INSYN2B: variants seen among roughly 807,000 people sequenced by gnomAD.
The protein encoded by INSYN2B is protein INSYN2B.
INSYN2B carries 16 observed loss-of-function variants against 41.2 expected under a neutral mutation model. That is an observed-to-expected ratio of 0.39 (90% CI 0.26 to 0.59). The LOEUF (loss-of-function observed/expected upper bound fraction) is 0.59. INSYN2B is among the 20% of genes least tolerant of loss of function. INSYN2B has a pLI of 0.57. For missense variants in INSYN2B, 608 were observed against 646.4 expected (o/e 0.94, Z 0.64); for synonymous variants, 245 against 244.4 (o/e 1.00, Z -0.02).
At chr5:169,914,555 G>A (rs1193007289) in intron 1 of INSYN2B, among the ~76,000 whole-genome samples, 3 of 152,216 alleles carry the variant, frequency 2.0e-5, no homozygotes, top group Non-Finnish European at 4.4e-5. Flanking sequence ...GCAGATATGG[G>A]AAATGGTTAT....
At chr5:169,900,985 G>T (rs374004252) in intron 1 of INSYN2B, among the ~76,000 whole-genome samples, 1 of 152,090 alleles carries the variant, frequency 6.6e-6, no homozygotes, top group African/African-American at 2.4e-5. Context: ...CTTAGTTACG[G>T]GTAGGAAAGG....
In INSYN2B at chr5:169,921,156, G is replaced by C. The variant is rs1057249886; in HGVS notation, c.-918-36340C>G. ...GTAGGAATGAATGCAATGTTAGCCTGGAAAAGTGTCTGGATGGATAGGGAA... is the reference window on the plus strand; with the variant it reads ...GTAGGAATGAATGCAATGTTAGCCTCGAAAAGTGTCTGGATGGATAGGGAA... On this transcript the variant is annotated intron_variant, in intron 1 of 3. Transcript: ENST00000377365. 5.9e-5 allele frequency among the ~76,000 whole-genome samples: 9 copies of C among 152,300 alleles called. No individual in the cohort carries two copies. The East Asian group carries it at 1.7e-3, about 29-fold the overall frequency.
intron 1 of INSYN2B, among the ~76,000 whole-genome samples, chr5:169,937,141 A>G (rs961206728): frequency 7.9e-5 from 12 of 152,242 alleles, no homozygotes; most frequent in Admixed American, 3.3e-4. Context: ...TTACTGCGGC[A>G]CAGATATGCT....
rs75036400 is a variant in INSYN2B, at chr5:169,940,146, A to G, written c.-919+40131T>C. Among the ~76,000 whole-genome samples the G allele has an allele frequency of 0.011, 1,731 of 152,194 alleles. 73 individuals carry two copies. The East Asian group carries it at 0.13, about 12-fold the overall frequency. On this transcript the variant is annotated intron_variant, in intron 1 of 3. Coordinates refer to ENST00000377365, the MANE Select transcript of INSYN2B (RefSeq NM_001129891.3). The stretch of plus-strand genomic sequence containing the variant: ...CTATTGAAGTAGCGCCTTCTTCCAC[A>G]GTTTTCTGTGTGTGTATTCTACAGA...
chr5:169,965,658 T>C (rs2113754420), intron 1 of INSYN2B, among the ~76,000 whole-genome samples: 1 of 152,286 alleles, frequency 6.6e-6, no homozygotes, highest in East Asian at 1.9e-4. Flanking sequence ...AACCATGGCC[T>C]CAGAGTCCAA....
intron 3 of INSYN2B, among the ~76,000 whole-genome samples, chr5:169,874,669 T>C (rs1358226981): frequency 6.6e-6 from 1 of 152,138 alleles, no homozygotes; most frequent in Non-Finnish European, 1.5e-5. Flanking sequence ...GTTTGGTCCC[T>C]TGGCCAGGGA....
intron 1 of INSYN2B, among the ~76,000 whole-genome samples, chr5:169,900,649 C>T (rs866851233): frequency 1.3e-5 from 2 of 152,114 alleles, no homozygotes; most frequent in Non-Finnish European, 1.5e-5. Flanking sequence ...TTAGAAGCTT[C>T]GATTAGCAGT....
At chr5:169,933,146 A>G (rs1315039729) in intron 1 of INSYN2B, among the ~76,000 whole-genome samples, 1 of 152,250 alleles carries the variant, frequency 6.6e-6, no homozygotes, top group Non-Finnish European at 1.5e-5. Flanking sequence ...AGAAGGGTGT[A>G]GAAACTAAAT....
intron 1 of INSYN2B, among the ~76,000 whole-genome samples, chr5:169,891,138 T>TGCTA (rs1773256498): frequency 1.3e-5 from 2 of 152,150 alleles, no homozygotes; most frequent in Non-Finnish European, 2.9e-5. Flanking sequence ...GCCCTGAACA[T>TGCTA]GCTAGATTCA....
Position 169,864,077 on chromosome 5 carries a change from C to T in INSYN2B, c.*196G>A, listed in dbSNP as rs999195910. Among the ~76,000 whole-genome samples the T allele has an allele frequency of 6.6e-6, 1 of 152,170 alleles. No individual in the cohort carries two copies. Among genetic ancestry groups the T allele is most frequent in the Non-Finnish European group, 1.5e-5 (1 of 68,038 alleles). On this transcript the variant is annotated 3_prime_UTR_variant, in exon 4 of 4. Transcript: ENST00000377365. ...GTCCGTGAAGCCCTCAGCAAGCAGT[C>T]GCACGCACTCAGGTAAGGATCGTGG... is the stretch of plus-strand genomic sequence containing the variant.
At chr5:169,955,244 C>T (rs1298195468) in intron 1 of INSYN2B, among the ~76,000 whole-genome samples, 2 of 152,086 alleles carry the variant, frequency 1.3e-5, no homozygotes, top group South Asian at 2.1e-4. Flanking sequence ...TGCCCCTGCC[C>T]GGGACCACAC....
rs540053713 is a variant in INSYN2B at position 169,911,130 on chromosome 5, T to TTTTTA, written c.-918-26319_-918-26315dup. 4.6e-5 allele frequency among the ~76,000 whole-genome samples: 7 copies of TTTTTA among 152,304 alleles called. No homozygotes were observed. The South Asian group carries it at 1.5e-3, about 32-fold the overall frequency. ...TTCTAGGTTTATTTCTTCATTAATG[T>TTTTTA]TTTTATTTTATTTTATTATTTTTCA... is the stretch of plus-strand genomic sequence containing the variant. On this transcript the variant is annotated intron_variant, in intron 1 of 3. Transcript: ENST00000377365.
intron 1 of INSYN2B, among the ~76,000 whole-genome samples, chr5:169,972,842 C>T (rs1032013859): frequency 6.6e-6 from 1 of 152,252 alleles, no homozygotes; most frequent in East Asian, 1.9e-4. Flanking sequence ...GTCCTTGCTG[C>T]AGTTAAGCAC....
intron 3 of INSYN2B, among the ~76,000 whole-genome samples, chr5:169,871,371 A>G (rs1252481229): frequency 6.6e-6 from 1 of 152,244 alleles, no homozygotes; most frequent in East Asian, 1.9e-4. Flanking sequence ...ATGGTAATTT[A>G]AATGGGCAAA....
At chr5:169,975,091 A>G (rs937781123) in intron 1 of INSYN2B, among the ~76,000 whole-genome samples, 4 of 152,190 alleles carry the variant, frequency 2.6e-5, no homozygotes, top group African/African-American at 9.7e-5. Flanking sequence ...ATGTAAAACT[A>G]AAGTCCATGC....
intron 1 of INSYN2B, among the ~76,000 whole-genome samples, chr5:169,924,191 G>A (rs1775321421): frequency 6.6e-6 from 1 of 152,172 alleles, no homozygotes; most frequent in African/African-American, 2.4e-5. Context: ...ACAGCCATCT[G>A]ACAAGTTGGT....
At chr5:169,953,959 C>A (rs997399854) in intron 1 of INSYN2B, among the ~76,000 whole-genome samples, 21 of 152,166 alleles carry the variant, frequency 1.4e-4, no homozygotes, top group African/African-American at 5.1e-4. Flanking sequence ...TAATGCATGG[C>A]AAAGGCTTCA....
Position 169,937,045 on chromosome 5 carries a change from G to A in INSYN2B, c.-919+43232C>T, listed in dbSNP as rs946479552. The stretch of plus-strand genomic sequence containing the variant: ...GGCTGGGTATTTGGTGAGGAGGGAG[G>A]GGCTGACCAGTTTCTGGGCAGAGTA... On this transcript the variant is annotated intron_variant, in intron 1 of 3. Transcript: ENST00000377365. Among the ~76,000 whole-genome samples, 21 of 152,136 alleles carry A rather than the reference G, an allele frequency of 1.4e-4. 1 individual carries two copies. The highest frequency in any genetic ancestry group is 4.1e-4 in the African/African-American group (17 of 41,412).
At chr5:169,927,748 C>A (rs1046471492) in intron 1 of INSYN2B, among the ~76,000 whole-genome samples, 1 of 152,218 alleles carries the variant, frequency 6.6e-6, no homozygotes, top group Non-Finnish European at 1.5e-5. Flanking sequence ...TCCCGAGTAG[C>A]TGGGACTACA....
Sources: allele counts gnomAD v4.1 joint callset (sites outside exome capture counted in the v4.1 genomes callset), GRCh38; gene constraint gnomAD v4.1.1; transcripts MANE v1.5; gene names NCBI Gene and HGNC (gene_info 2026-07-23, HGNC 2026-07-21).